Variants in ALDOB observed in about 807,000 individuals in gnomAD.
The protein encoded by ALDOB is fructose-bisphosphate aldolase B.
ALDOB carries 39 observed loss-of-function variants against 41.0 expected under a neutral mutation model. The ratio of observed to expected loss-of-function variants is 0.95; its 90% CI spans 0.74 to 1.24. The LOEUF is 1.24. Ranked by LOEUF, ALDOB falls within the 50% of genes most tolerant of loss-of-function variation. The probability of loss-of-function intolerance (pLI) is 0.00; values close to 1 mark genes in which losing one functional copy is unlikely to be tolerated. For missense variants in ALDOB, 530 were observed against 457.3 expected, an observed-to-expected ratio of 1.16 and a Z score of -1.45; for synonymous variants, 175 against 168.8, an observed-to-expected ratio of 1.04 and a Z score of -0.28.
Position 101,429,203 on chromosome 9 carries a change from G to C in ALDOB, c.324+552C>G, listed in dbSNP as rs72743343. Among the ~76,000 whole-genome samples, 232 of 150,088 alleles carry C rather than the reference G, an allele frequency of 1.5e-3. 4 individuals are homozygous for C. Among genetic ancestry groups the C allele is most frequent in the Admixed American group, 1.4e-3 (21 of 15,046 alleles). ...TTTTGAGACAGGGTCATCCAGGCTG[G>C]AGTGCAGTGGTATGACCATAGCTCA... is the stretch of plus-strand genomic sequence containing the variant. On this transcript the variant is annotated intron_variant, in intron 3 of 8. Transcript: ENST00000647789.
chr9:101,430,624 G>A (rs1375165506), intron 2 of ALDOB, 152 bp downstream of exon 2: 1 of 678,270 alleles, frequency 1.5e-6, no homozygotes, highest in Non-Finnish European at 2.6e-6. Context: ...CTACTTACAG[G>A]ACTCAAAAGC....
chr9:101,427,770 C>A, intron 4 of ALDOB, 128 bp from the exon 5 acceptor site: 1 of 1,099,912 alleles, frequency 9.1e-7, no homozygotes. Context: ...TTGAAAACAG[C>A]CAAGCATATC....
chr9:101,426,542 A>G lies in ALDOB; in HGVS notation c.624+13T>C. The G allele has an allele frequency of 6.3e-7, 1 of 1,578,234 alleles. No individual in the cohort carries two copies. Among genetic ancestry groups the G allele is most frequent in the Non-Finnish European group, 8.7e-7 (1 of 1,147,248 alleles). ...TTTCAACTAGAATTGGGGCCTTCAT[A>G]TTTAAAACTTACCTTCTCAGTAACA... On this transcript the variant is annotated intron_variant, in intron 6 of 8. Coordinates refer to ENST00000647789, the MANE Select transcript of ALDOB (RefSeq NM_000035.4).
chr9:101,425,480 G>C lies in ALDOB; in HGVS notation c.772C>G (p.His258Asp), dbSNP rs761061896. 4 of 1,614,212 alleles carry C rather than the reference G, an allele frequency of 2.5e-6. No individual in the cohort carries two copies. In the South Asian group the frequency reaches 4.4e-5, roughly 18 times the overall value. ...QVAMATVTAL[H>D]RTVPAAVPGI... ...GGAACAGCTGCAGGAACAGTACGGT[G>C]GAGAGCTGTTACGGTGGCCATAGCT... The change falls in exon 7 of 9, where the codon CAC (histidine) becomes GAC (aspartate). Residue 258 changes from histidine (H) to aspartate (D), a missense_variant. Coordinates refer to ENST00000647789, the MANE Select transcript of ALDOB (RefSeq NM_000035.4).
At chr9:101,427,714 AAGG>A in intron 4 of ALDOB, 72 bp from the exon 5 acceptor site, 3 of 1,585,330 alleles carry the variant, frequency 1.9e-6, no homozygotes, top group South Asian at 1.1e-5. Context: ...TAATAAAGGG[AAGG>A]AGTTCTCCCT....
At chr9:101,428,714 T>C (rs1467010745) in intron 3 of ALDOB, among the ~76,000 whole-genome samples, 191 bp from the exon 4 acceptor site, 1 of 152,206 alleles carries the variant, frequency 6.6e-6, no homozygotes, top group Admixed American at 6.5e-5. Flanking sequence ...GTGTCTACCC[T>C]AACATTTATT....
At chr9:101,432,723 G>A (rs568155906) in intron 1 of ALDOB, among the ~76,000 whole-genome samples, 2 of 152,132 alleles carry the variant, frequency 1.3e-5, no homozygotes, top group African/African-American at 4.8e-5. Context: ...GAATATAAGA[G>A]AGTGTAAATT....
In ALDOB at chr9:101,421,993, C is replaced by A; in HGVS notation, c.1000-89G>T. Reference sequence around the variant, plus strand: ...TGCCTCTCATGGGAAACCAGTCAAACCTTCACTCAGATTTTCTTCTTTTTA... The same window carrying A: ...TGCCTCTCATGGGAAACCAGTCAAAACTTCACTCAGATTTTCTTCTTTTTA... On this transcript the variant is annotated intron_variant, in intron 8 of 8. Coordinates refer to ENST00000647789, the MANE Select transcript of ALDOB (RefSeq NM_000035.4). The A allele has an allele frequency of 5.6e-6, 6 of 1,076,290 alleles. No individual in the cohort carries two copies. In the South Asian group the frequency reaches 6.6e-5, roughly 12 times the overall value. 66.7% of individuals were successfully genotyped at this position (1,076,290 alleles called of 1,614,324 possible).
At position 101,425,638 on chromosome 9, in the gene ALDOB, A is replaced by T; in HGVS notation, c.625-11T>A. 6.2e-7 allele frequency: 1 copy of T among 1,614,018 alleles called. No homozygotes were observed. The highest frequency in any genetic ancestry group is 8.5e-7 in the Non-Finnish European group (1 of 1,179,996). ...GACAGCAGCCAGGACCTGAAGGACAAGAGGTCCCACCAGGTGAAACTCAAA... is the reference window on the plus strand; with the variant it reads ...GACAGCAGCCAGGACCTGAAGGACATGAGGTCCCACCAGGTGAAACTCAAA... On this transcript the variant is annotated splice_polypyrimidine_tract_variant and intron_variant, in intron 6 of 8. Coordinates refer to ENST00000647789, the MANE Select transcript of ALDOB (RefSeq NM_000035.4).
At position 101,424,969 on chromosome 9, in the gene ALDOB, A is replaced by G. The variant is rs765247994; in HGVS notation, c.873T>C (p.Pro291=). 14 of 1,614,186 alleles carry G rather than the reference A, an allele frequency of 8.7e-6. 1 individual carries two copies. The South Asian group carries it at 1.5e-4, about 18-fold the overall frequency. Residue 291 remains proline (P), a synonymous_variant, in exon 8 of 9, where the codon CCT becomes CCC. Coordinates refer to ENST00000647789, the MANE Select transcript of ALDOB (RefSeq NM_000035.4). ...TLNLNAINLC[P]LPKPWKLSFS... ...AACTTAGTTTCCAGGGCTTTGGTAG[A>G]GGGCAAAGGTTGATAGCATTGAGGT...
chr9:101,433,483 G>A (rs938198779), intron 1 of ALDOB, among the ~76,000 whole-genome samples: 14 of 152,192 alleles, frequency 9.2e-5, no homozygotes, highest in Non-Finnish European at 1.8e-4. Flanking sequence ...AGGACAACCT[G>A]GGATGGGTAA....
At chr9:101,426,429 A>T (rs943342245) in intron 6 of ALDOB, 126 bp downstream of exon 6, 54 of 714,856 alleles carry the variant, frequency 7.6e-5, no homozygotes, top group Non-Finnish European at 1.3e-4. Flanking sequence ...GCACCTCCCT[A>T]CCTTCTCTAT....
intron 3 of ALDOB, among the ~76,000 whole-genome samples, chr9:101,429,055 T>C (rs1588171894): frequency 6.6e-6 from 1 of 152,182 alleles, no homozygotes; most frequent in African/African-American, 2.4e-5. Context: ...AGTTATAAGA[T>C]AGAATAGTAA....
intron 1 of ALDOB, 51 bp from the exon 2 acceptor site, chr9:101,430,948 G>T: frequency 1.5e-6 from 2 of 1,295,102 alleles, no homozygotes; most frequent in Non-Finnish European, 2.2e-6. Flanking sequence ...TGGCTCAGAT[G>T]GATGCATGAC....
intron 7 of ALDOB, 140 bp downstream of exon 7, chr9:101,425,313 G>A: frequency 9.6e-7 from 1 of 1,040,046 alleles, no homozygotes; most frequent in South Asian, 1.4e-5. Context: ...TTCTGAAGTG[G>A]GAGAAGAAGT....
chr9:101,425,922 C>G (rs1831122744), intron 6 of ALDOB, among the ~76,000 whole-genome samples: 1 of 152,176 alleles, frequency 6.6e-6, no homozygotes, highest in Non-Finnish European at 1.5e-5. Flanking sequence ...TCCATTACTC[C>G]CTTGGTCAAT....
intron 1 of ALDOB, among the ~76,000 whole-genome samples, chr9:101,433,415 A>C (rs1186405338): frequency 6.6e-6 from 1 of 152,168 alleles, no homozygotes; most frequent in East Asian, 1.9e-4. Context: ...CACAAATGTC[A>C]CCTCTCTGTT....
At chr9:101,427,443 T>C (rs1347124284) in intron 5 of ALDOB, 39 bp downstream of exon 5, 1 of 1,612,356 alleles carries the variant, frequency 6.2e-7, no homozygotes, top group Non-Finnish European at 8.5e-7. Flanking sequence ...AAGAAAACTC[T>C]AGCCTACTCT....
chr9:101,432,459 A>C (rs182307321), intron 1 of ALDOB, among the ~76,000 whole-genome samples: 33 of 152,312 alleles, frequency 2.2e-4, no homozygotes, highest in Non-Finnish European at 2.2e-4. Flanking sequence ...CCTGGGTGTG[A>C]TCTTCAGAGC....
Sources: allele counts gnomAD v4.1 joint callset (sites outside exome capture counted in the v4.1 genomes callset), GRCh38; gene constraint gnomAD v4.1.1; transcripts MANE v1.5; gene names NCBI Gene and HGNC (gene_info 2026-07-23, HGNC 2026-07-21).